The following GRB2 variants were observed in gnomAD, a reference collection of about 807,000 sequenced individuals.
The protein encoded by GRB2 is growth factor receptor bound protein 2.
In GRB2, 2 loss-of-function variants were observed where a neutral mutation model predicts 27.4. The observed-to-expected ratio is 0.07, with a 90% CI of 0.03 to 0.23. GRB2 has a LOEUF of 0.23. Among genes scored for constraint, GRB2 ranks in the 10% least tolerant of loss-of-function variants. GRB2 has a pLI of 1.00. For missense variants in GRB2, 102 were observed against 282.4 expected, an observed-to-expected ratio of 0.36 and a Z score of 4.58; for synonymous variants, 94 against 99.6, an observed-to-expected ratio of 0.94 and a Z score of 0.33.
intron 2 of GRB2, chr17:75,387,512 G>C (rs1316531742): frequency 6.6e-6 from 1 of 150,864 alleles, no homozygotes; most frequent in Non-Finnish European, 1.5e-5. Flanking sequence ...CTATAATTTA[G>C]TAGGCTGGGC....
chr17:75,318,866 T>G lies in GRB2; in HGVS notation c.*1502A>C, dbSNP rs966376212. 9 of 151,902 alleles carry G rather than the reference T, an allele frequency of 5.9e-5. No homozygotes were observed. Among genetic ancestry groups the G allele is most frequent in the Non-Finnish European group, 1.0e-4 (7 of 68,040 alleles). 9.4% of individuals were successfully genotyped at this position (151,902 alleles called of 1,614,324 possible). ...CCAGCATAGGAATAGTGAAACCTGCTACAACTGGAGGCTGCGTTCCCATGA... is the reference window on the plus strand; with the variant it reads ...CCAGCATAGGAATAGTGAAACCTGCGACAACTGGAGGCTGCGTTCCCATGA... On this transcript the variant is annotated 3_prime_UTR_variant, in exon 6 of 6. Transcript: ENST00000316804.
chr17:75,331,511 C>A (rs1285735505), intron 3 of GRB2, among the ~76,000 whole-genome samples: 1 of 152,134 alleles, frequency 6.6e-6, no homozygotes, highest in Non-Finnish European at 1.5e-5. Context: ...GAGCCACAGG[C>A]ATGTCATATA....
intron 2 of GRB2, among the ~76,000 whole-genome samples, chr17:75,376,222 ATAGTCCCAGCTACTTGGGAGGC>A (rs1227698197): frequency 7.4e-6 from 1 of 135,892 alleles, no homozygotes; most frequent in Non-Finnish European, 1.6e-5. Context: ...ATGCGCCTAT[ATAGTCCCAGCTACTTGGGAGGC>A]TGAGGCAGGA....
intron 2 of GRB2, among the ~76,000 whole-genome samples, chr17:75,389,780 G>A (rs996288175): frequency 1.3e-5 from 2 of 152,174 alleles, no homozygotes; most frequent in Admixed American, 6.5e-5. Flanking sequence ...GGGAGGCAGA[G>A]CTTGCAGTGA....
At chr17:75,385,459 C>T (rs899187827) in intron 2 of GRB2, among the ~76,000 whole-genome samples, 5 of 152,154 alleles carry the variant, frequency 3.3e-5, no homozygotes, top group Admixed American at 6.6e-5. Context: ...ATCACTTGAA[C>T]CACGGAAGTG....
At chr17:75,377,419 G>A (rs1370549809) in intron 2 of GRB2, among the ~76,000 whole-genome samples, 1 of 151,852 alleles carries the variant, frequency 6.6e-6, no homozygotes, top group Non-Finnish European at 1.5e-5. Flanking sequence ...CCATGAGTTC[G>A]AGATCAGCCT....
chr17:75,340,005 G>A (rs1427964125), intron 2 of GRB2, among the ~76,000 whole-genome samples: 1 of 152,164 alleles, frequency 6.6e-6, no homozygotes, highest in African/African-American at 2.4e-5. Flanking sequence ...TTTATAGATT[G>A]CTGCATTTTG....
intron 2 of GRB2, among the ~76,000 whole-genome samples, chr17:75,349,213 A>ACACATTGCTC (rs1467685230): frequency 1.3e-5 from 2 of 152,208 alleles, no homozygotes; most frequent in Admixed American, 6.5e-5. Context: ...CTGCCAGACT[A>ACACATTGCTC]CACATTGCTC....
chr17:75,344,707 A>G (rs2078643531), intron 2 of GRB2, among the ~76,000 whole-genome samples: 1 of 151,990 alleles, frequency 6.6e-6, no homozygotes. Flanking sequence ...ACTGTAGCTA[A>G]TTCTTTACTT....
At position 75,320,662 on chromosome 17, in the gene GRB2, T is replaced by C. The variant is rs904196681; in HGVS notation, c.469-109A>G. 14 of 766,352 alleles carry C rather than the reference T, an allele frequency of 1.8e-5. No individual in the cohort carries two copies. In the East Asian group the frequency reaches 2.8e-4, roughly 15 times the overall value. 47.5% of individuals were successfully genotyped at this position (766,352 alleles called of 1,614,324 possible). A position where few individuals can be genotyped will look rare whatever the true frequency, so the allele number is the denominator to read the frequency against. ...AAACGAATGCGTGCCAAATTCTCCA[T>C]GTTTCTTAAACTCACCTCCCATCTC... On this transcript the variant is annotated intron_variant, in intron 5 of 5. Transcript: ENST00000316804. The surrounding 1 kb of genome is among the most constrained non-coding windows in gnomAD (Gnocchi z 4.3).
intron 2 of GRB2, among the ~76,000 whole-genome samples, chr17:75,387,139 T>C (rs930867280): frequency 6.6e-6 from 1 of 151,086 alleles, no homozygotes. Context: ...CCATCCAGCC[T>C]GAGGGACAGA....
chr17:75,332,642 A>G, intron 3 of GRB2, 58 bp downstream of exon 3: 1 of 926,616 alleles, frequency 1.1e-6, no homozygotes, highest in African/African-American at 1.6e-5. Flanking sequence ...TTTTAAAAAG[A>G]GTGTTTGAAA....
At chr17:75,352,663 T>C (rs540192933) in intron 2 of GRB2, among the ~76,000 whole-genome samples, 1 of 152,188 alleles carries the variant, frequency 6.6e-6, no homozygotes, top group Non-Finnish European at 1.5e-5. Flanking sequence ...ATATCCCTAC[T>C]GTTTGCAGCT....
chr17:75,393,966 G>A, intron 1 of GRB2: 2 of 403,792 alleles, frequency 5.0e-6, no homozygotes, highest in South Asian at 6.3e-5. Context: ...CAGGCCTGCC[G>A]GCCAATGGCA....
chr17:75,339,674 T>A (rs139069474), intron 2 of GRB2, among the ~76,000 whole-genome samples: 2,070 of 151,094 alleles, frequency 0.014, 44 homozygotes, highest in African/African-American at 0.047. Context: ...TTACCCAGGC[T>A]GGAGTGCAAT....
At chr17:75,327,651 G>A (rs574613414) in intron 3 of GRB2, among the ~76,000 whole-genome samples, 50 of 151,678 alleles carry the variant, frequency 3.3e-4, no homozygotes, top group African/African-American at 1.1e-3. Context: ...TTAAAGTCGC[G>A]AGCCACCACG....
chr17:75,337,546 AT>A, intron 2 of GRB2, among the ~76,000 whole-genome samples: 1 of 150,666 alleles, frequency 6.6e-6, no homozygotes, highest in Admixed American at 6.7e-5. Context: ...TCCTTCACAA[AT>A]AATTTTTATT....
chr17:75,321,336 C>T (rs1358971053), intron 5 of GRB2, among the ~76,000 whole-genome samples: 1 of 151,960 alleles, frequency 6.6e-6, no homozygotes, highest in Admixed American at 6.6e-5. Context: ...GCCACCACAT[C>T]CAGCTAATTT....
intron 3 of GRB2, 109 bp from the exon 4 acceptor site, chr17:75,326,129 CCCT>C: frequency 1.6e-6 from 2 of 1,260,050 alleles, no homozygotes; most frequent in Admixed American, 3.6e-5. Context: ...GAAGGGGCCT[CCCT>C]CCTCATCCTC....
Sources: allele counts gnomAD v4.1 joint callset (sites outside exome capture counted in the v4.1 genomes callset), GRCh38; gene constraint gnomAD v4.1.1; non-coding constraint Gnocchi (gnomAD v3.1); transcripts MANE v1.5; gene names NCBI Gene and HGNC (gene_info 2026-07-23, HGNC 2026-07-21).